Variants in WDR33 observed in about 807,000 individuals in gnomAD.
WDR33 encodes pre-mRNA 3' end processing protein WDR33.
A neutral mutation model predicts 164.9 loss-of-function variants in WDR33; 47 were observed. The ratio of observed to expected loss-of-function variants is 0.29; its 90% CI spans 0.23 to 0.36. The LOEUF (loss-of-function observed/expected upper bound fraction) is 0.36. Among genes scored for constraint, WDR33 ranks in the 10% least tolerant of loss-of-function variants. The pLI is 1.00. For missense variants in WDR33, 1,137 were observed against 1,754.1 expected (o/e 0.65, Z 6.28); for synonymous variants, 505 against 589.0 (o/e 0.86, Z 2.06).
chr2:127,761,232 ACT>A (rs1355571522), intron 7 of WDR33, among the ~76,000 whole-genome samples: 2 of 151,304 alleles, frequency 1.3e-5, no homozygotes, highest in African/African-American at 4.9e-5. Flanking sequence ...ACAGAGTCTC[ACT>A]CTGTTGCCCA....
intron 7 of WDR33, among the ~76,000 whole-genome samples, chr2:127,742,066 G>GAA (rs1232553270): frequency 1.3e-5 from 2 of 152,010 alleles, no homozygotes; most frequent in African/African-American, 2.4e-5. Flanking sequence ...GCCAGGTGTG[G>GAA]TGGTGGGTGT....
In WDR33 at chr2:127,713,784, C is replaced by T. The variant is rs758132762; in HGVS notation, c.3107G>A (p.Gly1036Glu). The T allele has an allele frequency of 6.2e-7, 1 of 1,614,260 alleles. No homozygotes were observed. The highest frequency in any genetic ancestry group is 1.7e-5 in the Admixed American group (1 of 60,034). ...GHRLREFEGR[G>E]GPLPQEEKWR... ...CTTCTCTTCTTGCGGTAAAGGTCCTCCTCGCCCCTCAAATTCACGTAACCG... is the reference window on the plus strand; with the variant it reads ...CTTCTCTTCTTGCGGTAAAGGTCCTTCTCGCCCCTCAAATTCACGTAACCG... Residue 1036 changes from glycine (G) to glutamate (E), a missense_variant, in exon 18 of 22, where the codon GGA becomes GAA. Physicochemically the swap from Gly to Glu is moderately conservative, Grantham distance 98. Around this residue, in one of 9 missense-constraint regions of WDR33, gnomAD observed 867 missense variants for 1,073.0 expected, o/e 0.81. Coordinates refer to ENST00000322313, the MANE Select transcript of WDR33 (RefSeq NM_018383.5). The surrounding 1 kb of genome is among the most constrained non-coding windows in gnomAD (Gnocchi z 6.2).
In WDR33 at chr2:127,718,634, C is replaced by T. The variant is rs555307947; in HGVS notation, c.2760+631G>A. Among the ~76,000 whole-genome samples, 8 of 152,272 alleles carry T rather than the reference C, an allele frequency of 5.3e-5. No homozygotes were observed. The highest frequency in any genetic ancestry group is 1.9e-4 in the African/African-American group (8 of 41,558). On this transcript the variant is annotated intron_variant, in intron 16 of 21. Transcript: ENST00000322313. This position sits in a 1 kb window ranked among gnomAD's most constrained non-coding sequence, Gnocchi z 4.4. ...ACAGAAATGCTCCCCCCTGCAAATA[C>T]TTTTATATGTGAGCTGAAAACAACT... is the stretch of plus-strand genomic sequence containing the variant.
chr2:127,749,185 A>G (rs1016659604), intron 7 of WDR33, among the ~76,000 whole-genome samples: 1 of 152,132 alleles, frequency 6.6e-6, no homozygotes, highest in African/African-American at 2.4e-5. Context: ...AAAATAAAAT[A>G]AAGTTAGACA....
chr2:127,765,473 T>C (rs1049360885), intron 4 of WDR33, among the ~76,000 whole-genome samples: 4 of 152,184 alleles, frequency 2.6e-5, no homozygotes, highest in African/African-American at 9.7e-5. Context: ...TTTGGTTTAT[T>C]AGCTAAATTA....
chr2:127,762,122 C>T (rs1462253165), intron 7 of WDR33, among the ~76,000 whole-genome samples: 1 of 152,180 alleles, frequency 6.6e-6, no homozygotes, highest in African/African-American at 2.4e-5. Flanking sequence ...AATAATTTGA[C>T]ACCCAACACC....
At chr2:127,802,884 G>A (rs1040322537) in intron 1 of WDR33, among the ~76,000 whole-genome samples, 4 of 152,054 alleles carry the variant, frequency 2.6e-5, no homozygotes, top group Admixed American at 2.6e-4. Context: ...GGGAGGCTGA[G>A]GTGGGAGGAT....
rs1409065995 is a variant in WDR33, at chr2:127,714,533, G to C, written c.2870-512C>G. Among the ~76,000 whole-genome samples, 1 of 152,188 alleles carries C rather than the reference G, an allele frequency of 6.6e-6. No individual in the cohort carries two copies. Among genetic ancestry groups the C allele is most frequent in the South Asian group, 2.1e-4 (1 of 4,824 alleles). On this transcript the variant is annotated intron_variant, in intron 17 of 21. Coordinates refer to ENST00000322313, the MANE Select transcript of WDR33 (RefSeq NM_018383.5). The surrounding 1 kb of genome is among the most constrained non-coding windows in gnomAD (Gnocchi z 4.3). ...CTTGTTGCACTTGATTCCTCTGTAA[G>C]GTACATGCAATCACCAGCCTCTCAA... is the stretch of plus-strand genomic sequence containing the variant.
chr2:127,776,346 C>T (rs1286371872), intron 1 of WDR33, among the ~76,000 whole-genome samples: 2 of 152,154 alleles, frequency 1.3e-5, no homozygotes, highest in African/African-American at 4.8e-5. Flanking sequence ...CACCCCCGCA[C>T]CCAGTCTATG....
intron 7 of WDR33, among the ~76,000 whole-genome samples, chr2:127,754,383 G>C (rs1173439843): frequency 1.3e-5 from 2 of 152,110 alleles, no homozygotes; most frequent in African/African-American, 2.4e-5. Context: ...TTTCATGAAA[G>C]GGAAGCCCAA....
In WDR33 at chr2:127,702,104, C is replaced by T. The variant is rs1468865012; in HGVS notation, c.*4219G>A. 6 of 1,216,138 alleles carry T rather than the reference C, an allele frequency of 4.9e-6. No homozygotes were observed. Among genetic ancestry groups the T allele is most frequent in the African/African-American group, 1.6e-5 (1 of 63,218 alleles). 75.3% of individuals were successfully genotyped at this position (1,216,138 alleles called of 1,614,324 possible). Reference sequence around the variant, plus strand: ...TGGTTGGGCTGCTGCCCTGGGGCGGCGGCACCGCGCTGCGCCTCGCACTGG... The same window carrying T: ...TGGTTGGGCTGCTGCCCTGGGGCGGTGGCACCGCGCTGCGCCTCGCACTGG... On this transcript the variant is annotated 3_prime_UTR_variant, in exon 22 of 22. Coordinates refer to ENST00000322313, the MANE Select transcript of WDR33 (RefSeq NM_018383.5).
chr2:127,703,733 TTC>T lies in WDR33; in HGVS notation c.*2588_*2589del, dbSNP rs925663104. 10 of 167,232 alleles carry T rather than the reference TTC, an allele frequency of 6.0e-5. No individual in the cohort carries two copies. Among genetic ancestry groups the T allele is most frequent in the African/African-American group, 1.7e-4 (7 of 41,582 alleles). The allele number at this position is 167,232 out of a possible 1,614,324, so 10.4% of individuals were successfully genotyped here. On this transcript the variant is annotated 3_prime_UTR_variant, in exon 22 of 22. Transcript: ENST00000322313. ...GGCTGCTCTTTCTAGTCCCCTAAATTTCTGTTCTAGTTTTAAATTTCTCTAGA... is the reference window on the plus strand; with the variant it reads ...GGCTGCTCTTTCTAGTCCCCTAAATTTGTTCTAGTTTTAAATTTCTCTAGA...
Position 127,719,463 on chromosome 2 carries a change from C to A in WDR33, c.2562G>T (p.Gly854=). 3.1e-6 allele frequency: 5 copies of A among 1,588,284 alleles called. No homozygotes were observed. Among genetic ancestry groups the A allele is most frequent in the Non-Finnish European group, 4.3e-6 (5 of 1,165,416 alleles). Residue 854 remains glycine, a synonymous_variant, in exon 16 of 22, where the codon GGG becomes GGT. Transcript: ENST00000322313. This position sits in a 1 kb window ranked among gnomAD's most constrained non-coding sequence, Gnocchi z 6.5. ...SMLGPPQELR[G]PPGSQSQQGP... ...CCTGCTGACTTTGTGAGCCTGGAGG[C>A]CCTCGCAATTCCTGGGGAGGTCCCA...
At chr2:127,727,904 G>C (rs1280028920) in intron 7 of WDR33, among the ~76,000 whole-genome samples, 1 of 152,228 alleles carries the variant, frequency 6.6e-6, no homozygotes, top group African/African-American at 2.4e-5. Context: ...GGAAAGAAGA[G>C]ACGGGGTAGA....
In WDR33 at chr2:127,764,694, A is replaced by C. The variant is rs1687771729; in HGVS notation, c.626+134T>G. ...GGTGAATGTGTGAAAACAAAGAAAA[A>C]TATTGTGTTTATAGGGTGCAGAAAG... is the stretch of plus-strand genomic sequence containing the variant. On this transcript the variant is annotated intron_variant, in intron 6 of 21. Coordinates refer to ENST00000322313, the MANE Select transcript of WDR33 (RefSeq NM_018383.5). This position sits in a 1 kb window ranked among gnomAD's most constrained non-coding sequence, Gnocchi z 6.2. 6.2e-7 allele frequency: 1 copy of C among 1,607,954 alleles called. No homozygotes were observed. Among genetic ancestry groups the C allele is most frequent in the African/African-American group, 1.3e-5 (1 of 74,576 alleles).
intron 1 of WDR33, among the ~76,000 whole-genome samples, chr2:127,773,864 A>G (rs1035937621): frequency 2.0e-5 from 3 of 151,918 alleles, no homozygotes; most frequent in Non-Finnish European, 2.9e-5. Context: ...CCCACGCTTA[A>G]GCAACCCTCC....
intron 7 of WDR33, among the ~76,000 whole-genome samples, chr2:127,758,998 C>T (rs1237964529): frequency 6.6e-6 from 1 of 152,062 alleles, no homozygotes; most frequent in African/African-American, 2.4e-5. Context: ...CATTTAGTCT[C>T]GCATATTTCT....
At chr2:127,771,594 T>C (rs934545488) in intron 1 of WDR33, among the ~76,000 whole-genome samples, 8 of 152,032 alleles carry the variant, frequency 5.3e-5, no homozygotes, top group Non-Finnish European at 1.0e-4. Context: ...CTGGGGAACA[T>C]AGTGAGATTC....
At position 127,702,307 on chromosome 2, in the gene WDR33, T is replaced by C; in HGVS notation, c.*4016A>G. 1.0e-6 allele frequency: 1 copy of C among 979,420 alleles called. No homozygotes were observed. The highest frequency in any genetic ancestry group is 1.3e-6 in the Non-Finnish European group (1 of 769,106). The allele number at this position is 979,420 out of a possible 1,614,324, so 60.7% of individuals were successfully genotyped here. ...AGGCCCTGCCCTAACAGCCTGCGAGTCTAATCCGGGAGCGGCTGCTGCCAG... is the reference window on the plus strand; with the variant it reads ...AGGCCCTGCCCTAACAGCCTGCGAGCCTAATCCGGGAGCGGCTGCTGCCAG... On this transcript the variant is annotated 3_prime_UTR_variant, in exon 22 of 22. Transcript: ENST00000322313.
Sources: allele counts gnomAD v4.1 joint callset (sites outside exome capture counted in the v4.1 genomes callset), GRCh38; gene constraint gnomAD v4.1.1; regional missense constraint gnomAD v4.1.1; non-coding constraint Gnocchi (gnomAD v3.1); transcripts MANE v1.5; gene names NCBI Gene and HGNC (gene_info 2026-07-23, HGNC 2026-07-21).